Variants in FMN1 observed in about 807,000 individuals in gnomAD.
FMN1 encodes the protein formin 1, also known as formin-1.
A neutral mutation model predicts 132.4 loss-of-function variants in FMN1; 110 were observed. The ratio of observed to expected loss-of-function variants is 0.83; its 90% CI spans 0.71 to 0.97. FMN1 has a LOEUF of 0.97. FMN1 is among the 50% of genes least tolerant of loss of function. The pLI is 0.00. For synonymous variants in FMN1, 722 were observed against 651.7 expected, an observed-to-expected ratio of 1.11 and a Z score of -1.64; for missense variants, 1,792 against 1,705.3, an observed-to-expected ratio of 1.05 and a Z score of -0.90.
chr15:33,177,347 A>G (rs1294461464), intron 3 of FMN1, among the ~76,000 whole-genome samples: 3 of 152,216 alleles, frequency 2.0e-5, no homozygotes, highest in Non-Finnish European at 1.5e-5. Flanking sequence ...AACTGGTCTA[A>G]GACTGATCAG....
chr15:33,117,423 G>C (rs1008281882), intron 4 of FMN1, among the ~76,000 whole-genome samples: 1 of 152,192 alleles, frequency 6.6e-6, no homozygotes, highest in Non-Finnish European at 1.5e-5. Flanking sequence ...CTGAGAGATT[G>C]ACAAGGTAGC....
At position 32,771,577 on chromosome 15, in the gene FMN1, T is replaced by C. The variant is rs534286775; in HGVS notation, c.*2733A>G. 14 of 152,332 alleles carry C rather than the reference T, an allele frequency of 9.2e-5. No homozygotes were observed. The highest frequency in any genetic ancestry group is 3.4e-4 in the African/African-American group (14 of 41,560). 9.4% of individuals were successfully genotyped at this position (152,332 alleles called of 1,614,324 possible). The stretch of plus-strand genomic sequence containing the variant: ...AAGTTGTTTGTAAGTTAAGGGTTCT[T>C]AGAGTTACTACTAAGTCAGGTGTGT... On this transcript the variant is annotated 3_prime_UTR_variant, in exon 21 of 21. Coordinates refer to ENST00000616417, the MANE Select transcript of FMN1 (RefSeq NM_001277313.2).
At chr15:32,817,158 T>G (rs2141079703) in intron 17 of FMN1, among the ~76,000 whole-genome samples, 1 of 152,362 alleles carries the variant, frequency 6.6e-6, no homozygotes, top group Non-Finnish European at 1.5e-5. Context: ...GTTAAATAGC[T>G]GAAGCTCTCC....
At chr15:33,002,741 A>G (rs1393361687) in intron 7 of FMN1, among the ~76,000 whole-genome samples, 4 of 150,582 alleles carry the variant, frequency 2.7e-5, no homozygotes, top group Non-Finnish European at 5.9e-5. Flanking sequence ...TTTATATAAA[A>G]ATCTCCATAT....
chr15:32,915,984 G>T (rs1470053718), intron 10 of FMN1, among the ~76,000 whole-genome samples: 3 of 152,120 alleles, frequency 2.0e-5, no homozygotes, highest in Non-Finnish European at 4.4e-5. Context: ...CTTTTTTGCA[G>T]GGAAATTGAG....
intron 10 of FMN1, among the ~76,000 whole-genome samples, chr15:32,925,735 G>A (rs1268822183): frequency 6.6e-6 from 1 of 152,152 alleles, no homozygotes. Flanking sequence ...TTTGAAGGAA[G>A]GATAATGGCA....
intron 20 of FMN1, among the ~76,000 whole-genome samples, chr15:32,776,088 AGTAGTAT>A (rs955024490): frequency 6.6e-6 from 1 of 152,356 alleles, no homozygotes; most frequent in Middle Eastern, 3.4e-3. Flanking sequence ...CCAAAAAAAA[AGTAGTAT>A]GTTCTTTTCA....
chr15:32,826,132 A>T (rs1372305481), intron 17 of FMN1, among the ~76,000 whole-genome samples: 2 of 152,214 alleles, frequency 1.3e-5, no homozygotes, highest in Non-Finnish European at 2.9e-5. Flanking sequence ...TGGATGTCAA[A>T]ATCTATCACT....
At chr15:32,836,126 C>A (rs1340313708) in intron 17 of FMN1, among the ~76,000 whole-genome samples, 2 of 152,022 alleles carry the variant, frequency 1.3e-5, no homozygotes, top group African/African-American at 4.8e-5. Flanking sequence ...CTCCCAAAGT[C>A]CTGAGATTAC....
chr15:33,070,476 T>TA (rs1463322153), intron 5 of FMN1, among the ~76,000 whole-genome samples: 1 of 151,374 alleles, frequency 6.6e-6, no homozygotes, highest in East Asian at 2.0e-4. Context: ...CAGGCCCCTC[T>TA]ATAGATTTGG....
chr15:33,148,206 C>T (rs1441435944), intron 4 of FMN1, among the ~76,000 whole-genome samples: 18 of 152,224 alleles, frequency 1.2e-4, no homozygotes, highest in Admixed American at 1.2e-3. Context: ...TCCATCCCAT[C>T]TTTCACATCC....
chr15:33,014,731 AAC>A, intron 6 of FMN1, among the ~76,000 whole-genome samples: 1 of 152,176 alleles, frequency 6.6e-6, no homozygotes, highest in Middle Eastern at 3.2e-3. Context: ...ATGTTGCACA[AAC>A]CTTCCTTTTT....
chr15:33,128,161 T>C (rs949289533), intron 4 of FMN1, among the ~76,000 whole-genome samples: 10 of 146,462 alleles, frequency 6.8e-5, no homozygotes, highest in African/African-American at 2.8e-4. Flanking sequence ...AGAAGTAGGA[T>C]GGAGAAATAA....
intron 9 of FMN1, among the ~76,000 whole-genome samples, chr15:32,928,157 A>T (rs552253959): frequency 2.0e-5 from 3 of 152,326 alleles, no homozygotes; most frequent in African/African-American, 7.2e-5. Context: ...AAAGATAGTA[A>T]ATACTAAGTA....
At chr15:33,021,299 GGTTT>G (rs2141017510) in intron 6 of FMN1, among the ~76,000 whole-genome samples, 1 of 152,296 alleles carries the variant, frequency 6.6e-6, no homozygotes, top group African/African-American at 2.4e-5. Context: ...ATTTTAGCAT[GGTTT>G]GTTACACAGC....
In FMN1 at chr15:32,889,359, G is replaced by A. The variant is rs1487772247; in HGVS notation, c.3715-1067C>T. Among the ~76,000 whole-genome samples, 7 of 152,216 alleles carry A rather than the reference G, an allele frequency of 4.6e-5. No individual in the cohort carries two copies. In the East Asian group the frequency reaches 5.8e-4, roughly 13 times the overall value. ...CTTTGTATCTTGCATGTCTTAGGCC[G>A]TCTTCAATTATTCCTCTCTCTGCAC... is the stretch of plus-strand genomic sequence containing the variant. On this transcript the variant is annotated intron_variant, in intron 15 of 20. Coordinates refer to ENST00000616417, the MANE Select transcript of FMN1 (RefSeq NM_001277313.2).
chr15:33,016,777 T>C (rs538231764), intron 6 of FMN1, among the ~76,000 whole-genome samples: 1 of 152,312 alleles, frequency 6.6e-6, no homozygotes, highest in South Asian at 2.1e-4. Flanking sequence ...TCTTCCCCGG[T>C]GTCCCACACA....
intron 10 of FMN1, among the ~76,000 whole-genome samples, chr15:32,916,890 A>G (rs1364001976): frequency 1.3e-5 from 2 of 152,186 alleles, no homozygotes; most frequent in African/African-American, 2.4e-5. Flanking sequence ...AAGAGAACAG[A>G]GCAGGGAAAG....
chr15:32,845,191 A>T (rs1189460761), intron 17 of FMN1, among the ~76,000 whole-genome samples: 1 of 152,226 alleles, frequency 6.6e-6, no homozygotes, highest in African/African-American at 2.4e-5. Context: ...CATAGTTGTC[A>T]AGAATCCAAA....
Sources: gnomAD v4.1 joint callset for allele counts (sites outside exome capture counted in the v4.1 genomes callset) on GRCh38, gnomAD v4.1.1 for gene constraint, MANE v1.5 for transcripts, NCBI Gene and HGNC (gene_info 2026-07-23, HGNC 2026-07-21) for gene names.